The following SGCD variants were observed in gnomAD, a reference collection of about 807,000 sequenced individuals.
SGCD encodes the protein delta-sarcoglycan.
SGCD carries 18 observed loss-of-function variants against 36.6 expected under a neutral mutation model. The observed-to-expected ratio is 0.49, with a 90% CI of 0.34 to 0.73. The LOEUF (loss-of-function observed/expected upper bound fraction) is 0.73, where lower values mean the gene tolerates loss of function less well. Among genes scored for constraint, SGCD ranks in the 30% least tolerant of loss-of-function variants. The probability of loss-of-function intolerance (pLI) is 0.01; values close to 1 mark genes in which losing one functional copy is unlikely to be tolerated. For synonymous variants in SGCD, 133 were observed against 130.6 expected, an observed-to-expected ratio of 1.02 and a Z score of -0.12; for missense variants, 387 against 346.7, an observed-to-expected ratio of 1.12 and a Z score of -0.92.
At chr5:156,085,757 T>C (rs554967225) in intron 1 of SGCD, among the ~76,000 whole-genome samples, 1 of 152,338 alleles carries the variant, frequency 6.6e-6, no homozygotes, top group East Asian at 1.9e-4. Flanking sequence ...GGAGATACCC[T>C]TTTTAGGGGC....
upstream of SGCD, among the ~76,000 whole-genome samples, chr5:155,870,022 C>T (rs1180800665): frequency 6.6e-6 from 1 of 151,926 alleles, no homozygotes; most frequent in African/African-American, 2.4e-5. Flanking sequence ...ACAACAACAA[C>T]AACAAAAAGG....
the SGCD span, among the ~76,000 whole-genome samples, chr5:155,814,977 C>G: frequency 6.6e-6 from 1 of 152,094 alleles, no homozygotes; most frequent in Non-Finnish European, 1.5e-5. Context: ...ATAATCCTTT[C>G]TGAGTAAACA....
intron 7 of SGCD, among the ~76,000 whole-genome samples, chr5:156,651,021 A>C (rs921738314): frequency 5.9e-5 from 9 of 152,034 alleles, no homozygotes; most frequent in African/African-American, 1.7e-4. Flanking sequence ...ATTCTGACTG[A>C]TGTGAGATAG....
intron 6 of SGCD, among the ~76,000 whole-genome samples, chr5:156,629,516 C>A (rs569988086): frequency 1.3e-5 from 2 of 152,284 alleles, no homozygotes; most frequent in African/African-American, 4.8e-5. Context: ...AGTTGATTGG[C>A]CCATGCAGGC....
chr5:156,117,538 A>C (rs1210057163), intron 1 of SGCD, among the ~76,000 whole-genome samples: 2 of 152,206 alleles, frequency 1.3e-5, no homozygotes, highest in Admixed American at 6.5e-5. Flanking sequence ...ATTAAATCCC[A>C]AAAATCATTT....
At chr5:156,311,081 G>T (rs1432241526) in intron 3 of SGCD, among the ~76,000 whole-genome samples, 1 of 152,210 alleles carries the variant, frequency 6.6e-6, no homozygotes, top group Non-Finnish European at 1.5e-5. Flanking sequence ...AAACAGAGTT[G>T]TGTTAAAGGT....
chr5:156,668,127 A>C (rs1020785601), intron 7 of SGCD, among the ~76,000 whole-genome samples: 8 of 152,236 alleles, frequency 5.3e-5, no homozygotes, highest in African/African-American at 1.9e-4. Context: ...AACTGTCCTC[A>C]CTGCATGTTG....
At chr5:156,370,201 G>T (rs561574725) in intron 3 of SGCD, among the ~76,000 whole-genome samples, 1 of 152,238 alleles carries the variant, frequency 6.6e-6, no homozygotes, top group East Asian at 1.9e-4. Flanking sequence ...CAGTTTCATG[G>T]AGGGAGACCT....
At chr5:155,973,001 C>T (rs1396561610) in intron 1 of SGCD, among the ~76,000 whole-genome samples, 2 of 152,168 alleles carry the variant, frequency 1.3e-5, no homozygotes, top group East Asian at 3.9e-4. Context: ...CTTTGTTAGT[C>T]ATTTTTATGA....
At chr5:156,327,657 G>GT (rs1554093336) in intron 1 of SGCD, among the ~76,000 whole-genome samples, 2 of 152,024 alleles carry the variant, frequency 1.3e-5, no homozygotes, top group Non-Finnish European at 2.9e-5. Flanking sequence ...TGTTGTTGTT[G>GT]TTTTTTAATA....
chr5:155,899,374 A>C (rs1261226213), intron 1 of SGCD, among the ~76,000 whole-genome samples: 1 of 152,202 alleles, frequency 6.6e-6, no homozygotes, highest in Non-Finnish European at 1.5e-5. Context: ...AACAAATTGT[A>C]TCTTAGCTCT....
chr5:156,333,890 G>A (rs1768198475), intron 2 of SGCD, among the ~76,000 whole-genome samples: 2 of 139,020 alleles, frequency 1.4e-5, no homozygotes, highest in African/African-American at 5.4e-5. Flanking sequence ...GAAACCAGGA[G>A]TTCAAGCGGA....
chr5:156,234,213 A>G (rs1170736855), intron 3 of SGCD, among the ~76,000 whole-genome samples: 1 of 152,072 alleles, frequency 6.6e-6, no homozygotes, highest in Admixed American at 6.5e-5. Flanking sequence ...TTTTTAGCCT[A>G]TTTTTAGTTG....
intron 1 of SGCD, among the ~76,000 whole-genome samples, chr5:155,926,674 A>C (rs889652106): frequency 2.6e-5 from 4 of 152,210 alleles, no homozygotes; most frequent in Non-Finnish European, 5.9e-5. Context: ...AACAGCAAAA[A>C]AATTGCAAAC....
intron 1 of SGCD, among the ~76,000 whole-genome samples, chr5:155,948,005 G>A (rs564461663): frequency 5.3e-5 from 8 of 152,084 alleles, no homozygotes; most frequent in African/African-American, 1.2e-4. Flanking sequence ...AGCCTGGCAC[G>A]GTGGCTCACT....
At chr5:156,465,639 A>G (rs2127822123) in intron 3 of SGCD, among the ~76,000 whole-genome samples, 1 of 152,294 alleles carries the variant, frequency 6.6e-6, no homozygotes, top group East Asian at 1.9e-4. Context: ...TGTATCTCCA[A>G]GACTGTTGCC....
chr5:156,229,277 C>CATATATATATAT lies in SGCD; in HGVS notation c.-43-100245_-43-100234dup, dbSNP rs570200528. On this transcript the variant is annotated intron_variant, in intron 3 of 9. Transcript: ENST00000517913. ...ACATACATACATATATATATACATACATATATATATATATATATATATAAA... is the reference window on the plus strand; with the variant it reads ...ACATACATACATATATATATACATACATATATATATATATATATATATATATATATATATAAA... Among the ~76,000 whole-genome samples the CATATATATATAT allele has an allele frequency of 2.2e-3, 123 of 56,396 alleles. 6 individuals are homozygous for CATATATATATAT. Among genetic ancestry groups the CATATATATATAT allele is most frequent in the African/African-American group, 5.5e-3 (68 of 12,474 alleles). 37.0% of individuals were successfully genotyped at this position (56,396 alleles called of 152,430 possible). A position where few individuals can be genotyped will look rare whatever the true frequency, so the allele number is the denominator to read the frequency against.
rs17053552 is a variant in SGCD at position 156,434,954 on chromosome 5, A to C, written c.193-73647A>C. 2.1e-3 allele frequency among the ~76,000 whole-genome samples: 326 copies of C among 152,322 alleles called. 8 individuals are homozygous for C. The East Asian group carries it at 0.053, about 25-fold the overall frequency. On this transcript the variant is annotated intron_variant, in intron 3 of 8. Coordinates refer to ENST00000337851, the MANE Select transcript of SGCD (RefSeq NM_000337.6). ...ATCTTGCTTCATAAAATCATTCCTC[A>C]ATTTATACTATCTCTTAGAAAAGTC...
At chr5:155,915,677 C>T (rs570522756) in intron 1 of SGCD, among the ~76,000 whole-genome samples, 2 of 152,242 alleles carry the variant, frequency 1.3e-5, no homozygotes, top group South Asian at 4.1e-4. Context: ...CTGAGCAAGA[C>T]TCACATTCTC....
Sources: allele counts gnomAD v4.1 joint callset (sites outside exome capture counted in the v4.1 genomes callset), GRCh38; gene constraint gnomAD v4.1.1; transcripts MANE v1.5; gene names NCBI Gene and HGNC (gene_info 2026-07-23, HGNC 2026-07-21).